Variants in PDSS2 observed in about 807,000 individuals in gnomAD.
PDSS2 encodes decaprenyl diphosphate synthase subunit 2, also known as all trans-polyprenyl-diphosphate synthase PDSS2.
In PDSS2, 31 loss-of-function variants were observed where a neutral mutation model predicts 44.5. The observed-to-expected ratio is 0.70, with a 90% confidence interval of 0.52 to 0.94. The LOEUF is 0.94. Among genes scored for constraint, PDSS2 ranks in the 40% least tolerant of loss-of-function variants. PDSS2 has a pLI of 0.00. For missense variants in PDSS2, 452 were observed against 482.2 expected (o/e 0.94, Z 0.59); for synonymous variants, 157 against 180.3 (o/e 0.87, Z 1.03).
chr6:107,426,803 T>C (rs1781020171), intron 1 of PDSS2, among the ~76,000 whole-genome samples: 1 of 152,090 alleles, frequency 6.6e-6, no homozygotes, highest in South Asian at 2.1e-4. Context: ...TGTAGCCCCT[T>C]TGTTTTGGCC....
chr6:107,322,218 C>G (rs1042844552), intron 2 of PDSS2, among the ~76,000 whole-genome samples: 1 of 152,122 alleles, frequency 6.6e-6, no homozygotes, highest in Admixed American at 6.6e-5. Flanking sequence ...TGTTTTACTC[C>G]ACTTAAAAAC....
intron 7 of PDSS2, among the ~76,000 whole-genome samples, chr6:107,173,201 C>T (rs1433300800): frequency 1.3e-5 from 2 of 150,886 alleles, no homozygotes; most frequent in Admixed American, 6.6e-5. Flanking sequence ...AAACAGGGTA[C>T]AGGTCACAGT....
chr6:107,298,686 T>C (rs1051879460), intron 2 of PDSS2, among the ~76,000 whole-genome samples: 3 of 152,228 alleles, frequency 2.0e-5, no homozygotes, highest in Admixed American at 6.5e-5. Flanking sequence ...TTTGTACAGA[T>C]GCATACATAC....
chr6:107,188,695 C>T (rs1167457548), intron 7 of PDSS2, among the ~76,000 whole-genome samples: 6 of 152,100 alleles, frequency 3.9e-5, no homozygotes, highest in Non-Finnish European at 7.3e-5. Context: ...GTGCCATGCC[C>T]TTGGTGACGA....
chr6:107,263,881 T>A lies in PDSS2; in HGVS notation c.630+10148A>T, dbSNP rs1017412736. Among the ~76,000 whole-genome samples the A allele has an allele frequency of 8.5e-5, 13 of 152,318 alleles. 2 individuals carry two copies. The highest frequency in any genetic ancestry group is 7.2e-4 in the Admixed American group (11 of 15,278). On this transcript the variant is annotated intron_variant, in intron 3 of 7. Coordinates refer to ENST00000369037, the MANE Select transcript of PDSS2 (RefSeq NM_020381.4). ...AATTAATTGATATGGAGATAGTCTC[T>A]TTTACTGTTATACTATATGACACCC...
chr6:107,390,738 C>T (rs146153778), intron 1 of PDSS2, among the ~76,000 whole-genome samples: 196 of 152,172 alleles, frequency 1.3e-3, no homozygotes, highest in African/African-American at 4.6e-3. Context: ...GCAACTTTTC[C>T]ATAAATCTAA....
chr6:107,448,221 GCTC>G lies in PDSS2; in HGVS notation c.296+10766_296+10768del, dbSNP rs569827375. Among the ~76,000 whole-genome samples, 37 of 152,248 alleles carry G rather than the reference GCTC, an allele frequency of 2.4e-4. No homozygotes were observed. In the East Asian group the frequency reaches 7.1e-3, roughly 29 times the overall value. ...CCATTGTCTTGGCAATTAGCATTTG[GCTC>G]CTCATTACTTATGCAAATTTGTGCA... is the stretch of plus-strand genomic sequence containing the variant. On this transcript the variant is annotated intron_variant, in intron 1 of 7. Coordinates refer to ENST00000369037, the MANE Select transcript of PDSS2 (RefSeq NM_020381.4).
chr6:107,445,501 A>G (rs573922225), intron 1 of PDSS2, among the ~76,000 whole-genome samples: 182 of 152,178 alleles, frequency 1.2e-3, no homozygotes, highest in Non-Finnish European at 2.2e-3. Flanking sequence ...AAAAGCCTTA[A>G]TATTTCTGCA....
chr6:107,413,624 C>T (rs1680431350), intron 1 of PDSS2, among the ~76,000 whole-genome samples: 1 of 152,084 alleles, frequency 6.6e-6, no homozygotes, highest in African/African-American at 2.4e-5. Flanking sequence ...GCCACCATGC[C>T]CGGCTAATTT....
intron 7 of PDSS2, among the ~76,000 whole-genome samples, chr6:107,156,735 C>T (rs1770912259): frequency 6.6e-6 from 1 of 152,168 alleles, no homozygotes; most frequent in Non-Finnish European, 1.5e-5. Context: ...GCTACCAGCC[C>T]ACACTGGAGA....
chr6:107,275,697 A>G (rs750323222), intron 2 of PDSS2, among the ~76,000 whole-genome samples: 6 of 152,200 alleles, frequency 3.9e-5, no homozygotes, highest in Non-Finnish European at 8.8e-5. Flanking sequence ...TGGTATATCT[A>G]TAAGTGGAGT....
chr6:107,213,360 G>A (rs1440210398), intron 4 of PDSS2, among the ~76,000 whole-genome samples: 18 of 151,632 alleles, frequency 1.2e-4, no homozygotes, highest in Admixed American at 1.2e-3. Context: ...ATGTTGGTCA[G>A]GCTGGTCTTG....
chr6:107,251,616 C>T (rs758441126), intron 3 of PDSS2, among the ~76,000 whole-genome samples: 8 of 152,170 alleles, frequency 5.3e-5, no homozygotes, highest in Non-Finnish European at 1.0e-4. Context: ...AGGTAAAACA[C>T]TCTTGGGGAA....
chr6:107,447,264 A>T (rs1781716512), intron 1 of PDSS2, among the ~76,000 whole-genome samples: 1 of 152,150 alleles, frequency 6.6e-6, no homozygotes, highest in African/African-American at 2.4e-5. Context: ...TGAACCCAGG[A>T]GGCAGAGCTT....
At chr6:107,351,427 T>C (rs115062168) in intron 1 of PDSS2, among the ~76,000 whole-genome samples, 61 of 152,338 alleles carry the variant, frequency 4.0e-4, no homozygotes, top group African/African-American at 1.4e-3. Flanking sequence ...TTTGTTTTTA[T>C]TATTTGTGTA....
At chr6:107,338,123 C>T (rs1777963346) in intron 1 of PDSS2, among the ~76,000 whole-genome samples, 1 of 152,096 alleles carries the variant, frequency 6.6e-6, no homozygotes, top group African/African-American at 2.4e-5. Context: ...GCCTACAGCT[C>T]AAAATTTAGC....
At chr6:107,225,141 A>ATATATATATATATT (rs1773750784) in intron 4 of PDSS2, among the ~76,000 whole-genome samples, 9 of 39,466 alleles carry the variant, frequency 2.3e-4, no homozygotes, top group Non-Finnish European at 3.8e-4. Context: ...ATATTTTTAT[A>ATATATATATATATT]TATATATATA....
At position 107,212,123 on chromosome 6, in the gene PDSS2, C is replaced by A. The variant is rs759961328; in HGVS notation, c.862G>T (p.Ala288Ser). ...GTGCAAAGTACCTTATGACTCATGG[C>A]CATGTGCTTCCCATACTGAAATGCC... ...NMAFQYGKHMAMSHKINSDVQ... is the reference protein window; with the variant it reads ...NMAFQYGKHMSMSHKINSDVQ... The change falls in exon 5 of 8, where the codon GCC becomes TCC. Residue 288 changes from alanine (A) to serine (S), a missense_variant. By Grantham distance (99) the Ala-to-Ser change is moderately conservative (BLOSUM62 1). Transcript: ENST00000369037. 5 of 1,613,752 alleles carry A rather than the reference C, an allele frequency of 3.1e-6. No homozygotes were observed. Among genetic ancestry groups the A allele is most frequent in the Non-Finnish European group, 4.2e-6 (5 of 1,179,794 alleles).
In PDSS2 at chr6:107,459,316, G is replaced by GGGT; in HGVS notation, c.-34_-32dup. ...GAGTCTGGAAGGGTCTGGGACCTGGGGGTATCCAGAAGTGCCGCGGGAAAC... is the reference window on the plus strand; with the variant it reads ...GAGTCTGGAAGGGTCTGGGACCTGGGGGTGGTATCCAGAAGTGCCGCGGGAAAC... On this transcript the variant is annotated 5_prime_UTR_variant, in exon 1 of 8. Transcript: ENST00000369037. This position sits in a 1 kb window ranked among gnomAD's most constrained non-coding sequence, Gnocchi z 4.3. 6.2e-7 allele frequency: 1 copy of GGGT among 1,604,170 alleles called. No homozygotes were observed. Among genetic ancestry groups the GGGT allele is most frequent in the Non-Finnish European group, 8.5e-7 (1 of 1,172,498 alleles).
Sources: allele counts gnomAD v4.1 joint callset (sites outside exome capture counted in the v4.1 genomes callset), GRCh38; gene constraint gnomAD v4.1.1; non-coding constraint Gnocchi (gnomAD v3.1); transcripts MANE v1.5; gene names NCBI Gene and HGNC (gene_info 2026-07-23, HGNC 2026-07-21).